RP1: variants seen among roughly 807,000 people sequenced by gnomAD.
RP1 encodes RP1 axonemal microtubule associated, also known as oxygen-regulated protein 1.
In RP1, 16 loss-of-function variants were observed where a neutral mutation model predicts 14.8. The observed-to-expected ratio is 1.08, with a 90% CI of 0.73 to 1.65. The LOEUF (loss-of-function observed/expected upper bound fraction) is 1.65. RP1 is among the 40% of genes most tolerant of loss of function. The pLI is 0.00. For synonymous variants in RP1, 876 were observed against 883.6 expected, an observed-to-expected ratio of 0.99 and a Z score of 0.15; for missense variants, 2,631 against 2,535.0, an observed-to-expected ratio of 1.04 and a Z score of -0.81.
At chr8:54,592,400 AG>A (rs1347632571) in intron 1 of RP1, among the ~76,000 whole-genome samples, 1 of 152,186 alleles carries the variant, frequency 6.6e-6, no homozygotes, top group African/African-American at 2.4e-5. Context: ...CTGGTGGGAA[AG>A]TAGCAAGAGT....
intron 3 of RP1, among the ~76,000 whole-genome samples, chr8:54,637,297 C>T (rs570381306): frequency 3.0e-4 from 45 of 152,268 alleles, no homozygotes; most frequent in Non-Finnish European, 5.6e-4. Context: ...AAGGGGTCCA[C>T]AGTGAGTGCC....
Position 54,778,246 on chromosome 8 carries a change from G to A in RP1, c.3452-5301G>A, listed in dbSNP as rs539984587. 1.8e-4 allele frequency among the ~76,000 whole-genome samples: 27 copies of A among 152,026 alleles called. No homozygotes were observed. In the South Asian group the frequency reaches 4.8e-3, roughly 27 times the overall value. On this transcript the variant is annotated intron_variant, in intron 23 of 28. Coordinates refer to the RP1 transcript ENST00000637698. ...CATGTCCAAATGTTGAAGTGTGCCA[G>A]GGTCCAGTATAGGCATGAGAGGGAG...
At chr8:54,811,323 C>T (rs961806639) in intron 24 of RP1, among the ~76,000 whole-genome samples, 6 of 152,102 alleles carry the variant, frequency 3.9e-5, no homozygotes, top group African/African-American at 7.2e-5. Context: ...AATGATTATC[C>T]CCAAACCCAC....
intron 19 of RP1, among the ~76,000 whole-genome samples, chr8:54,752,024 A>G (rs1265264878): frequency 6.6e-6 from 1 of 152,190 alleles, no homozygotes; most frequent in Non-Finnish European, 1.5e-5. Context: ...GGAGAGGTTA[A>G]TGTAGAGGAA....
intron 22 of RP1, among the ~76,000 whole-genome samples, chr8:54,769,147 G>A (rs568881530): frequency 6.6e-6 from 1 of 152,172 alleles, no homozygotes; most frequent in East Asian, 1.9e-4. Context: ...ACCCGCCTTG[G>A]CCTCCCAAAG....
At chr8:54,824,907 A>G (rs1013102749) in intron 24 of RP1, among the ~76,000 whole-genome samples, 1 of 152,174 alleles carries the variant, frequency 6.6e-6, no homozygotes, top group African/African-American at 2.4e-5. Flanking sequence ...GCGAATATCA[A>G]CTTGACAAAG....
chr8:54,780,876 T>C (rs1399262752), intron 23 of RP1: 2 of 970,570 alleles, frequency 2.1e-6, no homozygotes, highest in African/African-American at 3.5e-5. Context: ...GTTTTACATA[T>C]ACTGATTGCA....
intron 1 of RP1, among the ~76,000 whole-genome samples, chr8:54,617,648 A>C (rs1049649037): frequency 1.3e-5 from 2 of 152,172 alleles, no homozygotes; most frequent in African/African-American, 4.8e-5. Context: ...TCTCCTCTGG[A>C]AATTGCCCTC....
chr8:54,782,749 G>A lies in RP1; in HGVS notation c.3452-798G>A, dbSNP rs201611911. Among the ~76,000 whole-genome samples, 22 of 152,058 alleles carry A rather than the reference G, an allele frequency of 1.4e-4. No homozygotes were observed. The East Asian group carries it at 4.1e-3, about 28-fold the overall frequency. ...GAAGTGCACAAAATAATAAAATGAA[G>A]ACTTATTTTGTCTTTCTAACTAAAC... is the stretch of plus-strand genomic sequence containing the variant. On this transcript the variant is annotated intron_variant, in intron 23 of 28. Coordinates refer to the RP1 transcript ENST00000637698.
chr8:54,669,991 A>C (rs1807115092), intron 7 of RP1, among the ~76,000 whole-genome samples: 1 of 152,184 alleles, frequency 6.6e-6, no homozygotes, highest in Admixed American at 6.5e-5. Flanking sequence ...ACAAACCGGC[A>C]CGTTGTGCAC....
intron 24 of RP1, among the ~76,000 whole-genome samples, chr8:54,789,112 G>T (rs1489565608): frequency 6.6e-6 from 1 of 152,126 alleles, no homozygotes; most frequent in Non-Finnish European, 1.5e-5. Flanking sequence ...GATTCTATGG[G>T]GTCAGCCAGG....
intron 7 of RP1, among the ~76,000 whole-genome samples, chr8:54,670,133 C>T (rs932240318): frequency 1.3e-4 from 19 of 151,960 alleles, no homozygotes; most frequent in African/African-American, 4.4e-4. Context: ...AGTTTTGTTC[C>T]ACCATGATTG....
chr8:54,746,870 T>A (rs1288393972), intron 19 of RP1, among the ~76,000 whole-genome samples: 2 of 152,202 alleles, frequency 1.3e-5, no homozygotes, highest in Non-Finnish European at 2.9e-5. Flanking sequence ...AAATGAAACA[T>A]AATCAGACCT....
chr8:54,684,568 A>T (rs1407734733), intron 12 of RP1, among the ~76,000 whole-genome samples: 1 of 151,952 alleles, frequency 6.6e-6, no homozygotes, highest in Non-Finnish European at 1.5e-5. Context: ...GAATTTATCC[A>T]TTTCTTCTAG....
intron 28 of RP1, chr8:54,865,948 A>T: frequency 2.0e-6 from 2 of 1,015,404 alleles, no homozygotes; most frequent in East Asian, 3.3e-5. Flanking sequence ...ATGCAAAATT[A>T]TGCTCTCTTT....
intron 26 of RP1, among the ~76,000 whole-genome samples, chr8:54,852,958 A>G (rs927718015): frequency 5.3e-5 from 8 of 152,350 alleles, no homozygotes; most frequent in African/African-American, 1.9e-4. Flanking sequence ...AGACTCAGCT[A>G]TAACAAAATG....
intron 4 of RP1, among the ~76,000 whole-genome samples, chr8:54,650,633 TTTCCCTTTCTC>T (rs1322154136): frequency 6.6e-6 from 1 of 151,492 alleles, no homozygotes; most frequent in East Asian, 1.9e-4. Context: ...CTTCCCTTCC[TTTCCCTTTCTC>T]TTCCCTTTCC....
At chr8:54,583,218 G>T (rs1804838941) in intron 1 of RP1, among the ~76,000 whole-genome samples, 1 of 152,148 alleles carries the variant, frequency 6.6e-6, no homozygotes, top group Non-Finnish European at 1.5e-5. Context: ...AAGGGTTGTT[G>T]AATTTTGTTG....
chr8:54,861,856 C>G (rs1432681917), intron 27 of RP1, among the ~76,000 whole-genome samples: 1 of 152,124 alleles, frequency 6.6e-6, no homozygotes, highest in Non-Finnish European at 1.5e-5. Context: ...CCCGCCTTGG[C>G]CTCCAAAAGT....
Sources: gnomAD v4.1 joint callset for allele counts (sites outside exome capture counted in the v4.1 genomes callset) on GRCh38, gnomAD v4.1.1 for gene constraint, MANE v1.5 for transcripts, NCBI Gene and HGNC (gene_info 2026-07-23, HGNC 2026-07-21) for gene names.